GAS7: variants seen among roughly 807,000 people sequenced by gnomAD.
The protein encoded by GAS7 is growth arrest-specific protein 7.
In GAS7, 28 loss-of-function variants were observed where a neutral mutation model predicts 71.1. The observed-to-expected ratio is 0.39, with a 90% CI of 0.29 to 0.54. The LOEUF (loss-of-function observed/expected upper bound fraction) is 0.54. Among genes scored for constraint, GAS7 ranks in the 20% least tolerant of loss-of-function variants. GAS7 has a pLI of 0.62. For missense variants in GAS7, 436 were observed against 627.8 expected (o/e 0.69, Z 3.27); for synonymous variants, 258 against 245.8 (o/e 1.05, Z -0.46).
intron 1 of GAS7, among the ~76,000 whole-genome samples, chr17:10,180,929 G>C: frequency 6.6e-6 from 1 of 151,542 alleles, no homozygotes; most frequent in Non-Finnish European, 1.5e-5. Context: ...GACGCTAAAG[G>C]CTTAAAAGAT....
chr17:10,118,301 G>C (rs2073877963), intron 1 of GAS7, among the ~76,000 whole-genome samples: 1 of 152,180 alleles, frequency 6.6e-6, no homozygotes, highest in Admixed American at 6.5e-5. Flanking sequence ...GCTGGATTCT[G>C]GAATGCAGCC....
chr17:10,020,397 T>C (rs7222805), intron 1 of GAS7, among the ~76,000 whole-genome samples: 29,056 of 152,144 alleles, frequency 0.19, 3,011 homozygotes, highest in African/African-American at 0.26. Context: ...TGAGAATCCA[T>C]GAAGAGCTGG....
intron 1 of GAS7, among the ~76,000 whole-genome samples, chr17:10,101,217 A>G (rs964374209): frequency 1.3e-5 from 2 of 152,222 alleles, no homozygotes; most frequent in African/African-American, 4.8e-5. Flanking sequence ...CAAGGCTACA[A>G]TCAAGATGTC....
intron 3 of GAS7, among the ~76,000 whole-genome samples, chr17:9,976,526 C>A (rs551553227): frequency 6.6e-6 from 1 of 152,348 alleles, no homozygotes; most frequent in African/African-American, 2.4e-5. Flanking sequence ...CAGGAGCCCC[C>A]TCCCCAGAGA....
intron 1 of GAS7, among the ~76,000 whole-genome samples, chr17:10,147,574 C>A (rs1180993652): frequency 6.6e-6 from 1 of 152,192 alleles, no homozygotes; most frequent in Non-Finnish European, 1.5e-5. Context: ...TTGCCTCTTA[C>A]AGCTCAAAAG....
At chr17:9,987,653 T>C (rs902032255) in intron 2 of GAS7, among the ~76,000 whole-genome samples, 12 of 152,376 alleles carry the variant, frequency 7.9e-5, no homozygotes, top group Non-Finnish European at 1.5e-4. Context: ...GAATGAATAA[T>C]TTGTAAAGTG....
intron 9 of GAS7, among the ~76,000 whole-genome samples, chr17:9,928,343 C>A (rs1174455293): frequency 6.6e-6 from 1 of 150,702 alleles, no homozygotes; most frequent in East Asian, 2.0e-4. Flanking sequence ...AGGATGGTCT[C>A]GATCTCCTGA....
chr17:10,174,969 C>G (rs556563841), intron 1 of GAS7, among the ~76,000 whole-genome samples: 1 of 152,180 alleles, frequency 6.6e-6, no homozygotes, highest in Non-Finnish European at 1.5e-5. Context: ...CATTAGACTT[C>G]CGAGTAGCTG....
At chr17:9,990,591 A>G (rs2070804534) in intron 2 of GAS7, among the ~76,000 whole-genome samples, 1 of 152,234 alleles carries the variant, frequency 6.6e-6, no homozygotes, top group Non-Finnish European at 1.5e-5. Context: ...CCACACACAT[A>G]TCTGAGGGAA....
intron 2 of GAS7, among the ~76,000 whole-genome samples, chr17:10,009,269 C>T (rs1373632813): frequency 2.1e-5 from 3 of 145,432 alleles, no homozygotes; most frequent in South Asian, 4.3e-4. Context: ...TGCAGTGAGC[C>T]GAGATCCCGC....
chr17:10,134,779 T>C (rs1438094732), intron 1 of GAS7, among the ~76,000 whole-genome samples: 1 of 151,872 alleles, frequency 6.6e-6, no homozygotes, highest in Non-Finnish European at 1.5e-5. Flanking sequence ...AGAGCAGGGC[T>C]ACCCCCTGGG....
chr17:10,104,586 C>A (rs186740618), intron 1 of GAS7, among the ~76,000 whole-genome samples: 5 of 152,194 alleles, frequency 3.3e-5, no homozygotes, highest in South Asian at 2.1e-4. Context: ...CAGGAGGAAT[C>A]TAACGAATCT....
chr17:9,958,466 A>C (rs1704928027), intron 5 of GAS7, among the ~76,000 whole-genome samples: 1 of 152,226 alleles, frequency 6.6e-6, no homozygotes, highest in East Asian at 1.9e-4. Context: ...GAGCTGTGTG[A>C]GTTGGAGCCT....
chr17:9,967,875 T>C (rs1167212726), intron 4 of GAS7, among the ~76,000 whole-genome samples: 6 of 152,202 alleles, frequency 3.9e-5, no homozygotes, highest in African/African-American at 1.4e-4. Context: ...CATCCCTGTG[T>C]CGATGGCTTA....
intron 1 of GAS7, among the ~76,000 whole-genome samples, chr17:10,134,732 T>G (rs1213164529): frequency 6.6e-6 from 1 of 151,938 alleles, no homozygotes; most frequent in Non-Finnish European, 1.5e-5. Flanking sequence ...GCCACAGGGT[T>G]ATAGCCCTGT....
intron 1 of GAS7, among the ~76,000 whole-genome samples, chr17:10,183,611 G>C (rs543567953): frequency 6.6e-6 from 1 of 152,144 alleles, no homozygotes; most frequent in Non-Finnish European, 1.5e-5. Flanking sequence ...AGGCCGACAC[G>C]GGCGGATCAC....
At chr17:10,012,774 T>C (rs1244780370) in intron 2 of GAS7, among the ~76,000 whole-genome samples, 5 of 152,048 alleles carry the variant, frequency 3.3e-5, no homozygotes, top group Admixed American at 2.6e-4. Context: ...GACTAAGTCA[T>C]GCAGGCTCCA....
At chr17:10,046,744 A>AAAAAAAAG (rs1359873635) in intron 1 of GAS7, among the ~76,000 whole-genome samples, 109 of 130,570 alleles carry the variant, frequency 8.3e-4, no homozygotes, top group Non-Finnish European at 1.2e-3. Flanking sequence ...TCAAAAAAAA[A>AAAAAAAAG]AAAAGAAAAG....
intron 1 of GAS7, among the ~76,000 whole-genome samples, chr17:10,183,659 G>A (rs1417232889): frequency 3.9e-5 from 6 of 152,160 alleles, no homozygotes; most frequent in African/African-American, 4.8e-5. Flanking sequence ...CTAACACGGT[G>A]AAACCCCGTC....
Sources: gnomAD v4.1 joint callset for allele counts (sites outside exome capture counted in the v4.1 genomes callset) on GRCh38, gnomAD v4.1.1 for gene constraint, MANE v1.5 for transcripts, NCBI Gene and HGNC (gene_info 2026-07-23, HGNC 2026-07-21) for gene names.